The following PSMD12 variants were observed in gnomAD, a reference collection of about 807,000 sequenced individuals.
The protein encoded by PSMD12 is 26S proteasome non-ATPase regulatory subunit 12.
PSMD12 carries 8 observed loss-of-function variants against 62.9 expected under a neutral mutation model. The observed-to-expected ratio is 0.13, with a 90% CI of 0.07 to 0.23. The LOEUF (loss-of-function observed/expected upper bound fraction) is 0.23. PSMD12 is among the 10% of genes least tolerant of loss of function. PSMD12 has a pLI of 1.00. For synonymous variants in PSMD12, 173 were observed against 187.4 expected (o/e 0.92, Z 0.63); for missense variants, 424 against 550.2 (o/e 0.77, Z 2.29).
intron 9 of PSMD12, chr17:67,342,585 C>A (rs1458376386): frequency 1.8e-5 from 3 of 169,580 alleles, no homozygotes; most frequent in Non-Finnish European, 3.7e-5. Flanking sequence ...GTGCAAGAAT[C>A]TAAAGTTAAG....
intron 1 of PSMD12, among the ~76,000 whole-genome samples, chr17:67,358,245 C>T (rs1255450887): frequency 1.3e-5 from 2 of 152,002 alleles, no homozygotes; most frequent in East Asian, 3.9e-4. Flanking sequence ...ATCAGAGACT[C>T]TAAGTGGTAG....
At chr17:67,341,924 C>G (rs905918568) in intron 10 of PSMD12, among the ~76,000 whole-genome samples, 3 of 152,212 alleles carry the variant, frequency 2.0e-5, no homozygotes, top group African/African-American at 7.2e-5. Flanking sequence ...CAGGCCATTA[C>G]TACACACTTG....
At chr17:67,345,996 TC>T in intron 7 of PSMD12, 139 bp from the exon 8 acceptor site, 1 of 734,818 alleles carries the variant, frequency 1.4e-6, no homozygotes, top group Non-Finnish European at 2.2e-6. Context: ...ACGTCTGTAA[TC>T]CCAGCACTTT....
chr17:67,355,819 T>C (rs1274980043), intron 3 of PSMD12, among the ~76,000 whole-genome samples: 1 of 152,070 alleles, frequency 6.6e-6, no homozygotes, highest in African/African-American at 2.4e-5. Context: ...ATAGTCTCTC[T>C]AAAAATGGCC....
chr17:67,350,007 C>T (rs993328997), intron 4 of PSMD12, among the ~76,000 whole-genome samples: 1 of 151,934 alleles, frequency 6.6e-6, no homozygotes, highest in Non-Finnish European at 1.5e-5. Context: ...ATACCCAATT[C>T]CCAGAAAAAT....
intron 3 of PSMD12, among the ~76,000 whole-genome samples, chr17:67,355,698 AG>A (rs2143718104): frequency 6.6e-6 from 1 of 152,330 alleles, no homozygotes; most frequent in East Asian, 1.9e-4. Context: ...CTACTTGTAC[AG>A]GGGAACATTT....
chr17:67,356,017 C>A (rs2143719575), intron 3 of PSMD12, among the ~76,000 whole-genome samples: 1 of 148,692 alleles, frequency 6.7e-6, no homozygotes, highest in South Asian at 2.1e-4. Flanking sequence ...CACGCACACA[C>A]ACACAAGATT....
intron 3 of PSMD12, among the ~76,000 whole-genome samples, chr17:67,355,005 C>T (rs563434576): frequency 5.0e-4 from 75 of 151,412 alleles, no homozygotes; most frequent in African/African-American, 1.8e-3. Context: ...TAAATACATA[C>T]ATAAATTTCA....
At position 67,340,919 on chromosome 17, in the gene PSMD12, A is replaced by T; in HGVS notation, c.1295T>A (p.Leu432Gln). 2 of 1,591,692 alleles carry T rather than the reference A, an allele frequency of 1.3e-6. No homozygotes were observed. The highest frequency in any genetic ancestry group is 1.7e-6 in the Non-Finnish European group (2 of 1,173,226). ...NNLLNDWSQK[L>Q]NSLMSLVNKT... ...GTTAACCAGAGACATTAATGAGTTCAGTTTCTGAGACCAGTCATTTAATAA... is the reference window on the plus strand; with the variant it reads ...GTTAACCAGAGACATTAATGAGTTCTGTTTCTGAGACCAGTCATTTAATAA... Residue 432 changes from leucine (L) to glutamine (Q), a missense_variant, in exon 11 of 11, where the codon CTG becomes CAG. Physicochemically the swap from Leu to Gln is moderately radical, Grantham distance 113. Transcript: ENST00000356126.
intron 3 of PSMD12, among the ~76,000 whole-genome samples, chr17:67,350,829 C>T (rs966663463): frequency 6.6e-6 from 1 of 152,212 alleles, no homozygotes; most frequent in Admixed American, 6.5e-5. Context: ...AGAATACACT[C>T]CCTTCAGCAC....
intron 4 of PSMD12, 107 bp from the exon 5 acceptor site, chr17:67,348,761 G>C: frequency 1.1e-6 from 1 of 893,576 alleles, no homozygotes; most frequent in Non-Finnish European, 1.7e-6. Context: ...ATTTTGGAAG[G>C]CTGAGGCAGG....
chr17:67,348,429 C>A, intron 5 of PSMD12, 121 bp downstream of exon 5: 1 of 806,448 alleles, frequency 1.2e-6, no homozygotes, highest in South Asian at 1.6e-5. Flanking sequence ...GGCTTTCAAT[C>A]AAAATCCAAA....
intron 3 of PSMD12, among the ~76,000 whole-genome samples, chr17:67,355,969 TACACACACACACACACACACAC>T (rs59875246): frequency 1.4e-5 from 2 of 145,744 alleles, no homozygotes; most frequent in South Asian, 2.2e-4. Flanking sequence ...CCCCCATTTC[TACACACACACACACACACACAC>T]ACACACACAC....
rs1220340140 is a variant in PSMD12 at position 67,366,531 on chromosome 17, G to C, written c.-12C>G. The C allele has an allele frequency of 3.1e-6, 5 of 1,596,542 alleles. No homozygotes were observed. The highest frequency in any genetic ancestry group is 4.3e-6 in the Non-Finnish European group (5 of 1,173,280). ...CCGCCGTCCGCCATGGTCCCCGCCT[G>C]AGCGTCCCTTGCTGTCCCCCTGCTT... On this transcript the variant is annotated 5_prime_UTR_variant, in exon 1 of 11. Transcript: ENST00000356126.
At position 67,340,745 on chromosome 17, in the gene PSMD12, C is replaced by T. The variant is rs991082542; in HGVS notation, c.*98G>A. 2.1e-6 allele frequency: 2 copies of T among 931,200 alleles called. No homozygotes were observed. Among genetic ancestry groups the T allele is most frequent in the Non-Finnish European group, 3.1e-6 (2 of 654,604 alleles). 57.7% of individuals were successfully genotyped at this position (931,200 alleles called of 1,614,324 possible). A position where few individuals can be genotyped will look rare whatever the true frequency, so the allele number is the denominator to read the frequency against. On this transcript the variant is annotated 3_prime_UTR_variant, in exon 11 of 11. Transcript: ENST00000356126. ...ATATTCACTATTTTAAAATTTAAGA[C>T]AAAGAAGCTTAGAAAAAAAACCCCA... is the stretch of plus-strand genomic sequence containing the variant.
chr17:67,363,053 C>T (rs1441767757), intron 1 of PSMD12, among the ~76,000 whole-genome samples: 3 of 152,216 alleles, frequency 2.0e-5, no homozygotes, highest in Non-Finnish European at 4.4e-5. Context: ...AAAGGATCTA[C>T]ATTTGGCAAT....
intron 1 of PSMD12, among the ~76,000 whole-genome samples, chr17:67,361,907 A>AAAGG (rs1567961754): frequency 9.9e-5 from 9 of 90,620 alleles, no homozygotes; most frequent in East Asian, 2.4e-4. Flanking sequence ...AAAAAAAAAA[A>AAAGG]AAGGAAGGAA....
Position 67,347,375 on chromosome 17 carries a change from C to G in PSMD12, c.621G>C (p.Lys207Asn), listed in dbSNP as rs1057157856. Reference protein sequence around the residue: ...KDYIRTQIISKKINTKFFQEE... With the variant: ...KDYIRTQIISNKINTKFFQEE... Reference sequence around the variant, plus strand: ...CCTGGAAAAATTTGGTGTTAATTTTCTTGCTGATGATTTGTGTTCGAATGT... The same window carrying G: ...CCTGGAAAAATTTGGTGTTAATTTTGTTGCTGATGATTTGTGTTCGAATGT... Residue 207 changes from lysine (K) to asparagine (N), a missense_variant, in exon 6 of 11, where the codon AAG becomes AAC. Coordinates refer to ENST00000356126, the MANE Select transcript of PSMD12 (RefSeq NM_002816.5). 1 of 1,613,870 alleles carries G rather than the reference C, an allele frequency of 6.2e-7. No homozygotes were observed. Among genetic ancestry groups the G allele is most frequent in the Non-Finnish European group, 8.5e-7 (1 of 1,179,936 alleles).
In PSMD12 at chr17:67,345,794, C is replaced by A. The variant is rs751301445; in HGVS notation, c.859G>T (p.Val287Phe). ...TTCTTGTCACCACTTATTCGGTGAACCAAATCTGACTGTTCATTGTCAAAA... is the reference window on the plus strand; with the variant it reads ...TTCTTGTCACCACTTATTCGGTGAAACAAATCTGACTGTTCATTGTCAAAA... ...APFDNEQSDL[V>F]HRISGDKKLE... The change falls in exon 8 of 11, where the codon GTT becomes TTT. Residue 287 changes from valine to phenylalanine, a missense_variant. Val to Phe is a conservative substitution (Grantham distance 50, BLOSUM62 -1). Coordinates refer to ENST00000356126, the MANE Select transcript of PSMD12 (RefSeq NM_002816.5). 3.1e-6 allele frequency: 5 copies of A among 1,613,722 alleles called. No individual in the cohort carries two copies. The East Asian group carries it at 1.1e-4, about 36-fold the overall frequency.
Sources: gnomAD v4.1 joint callset for allele counts (sites outside exome capture counted in the v4.1 genomes callset) on GRCh38, gnomAD v4.1.1 for gene constraint, MANE v1.5 for transcripts, NCBI Gene and HGNC (gene_info 2026-07-23, HGNC 2026-07-21) for gene names.